Variants in TIAM1 observed in about 807,000 individuals in gnomAD.
TIAM1 encodes TIAM Rac1 associated GEF 1.
A neutral mutation model predicts 163.5 loss-of-function variants in TIAM1; 65 were observed. That is an observed-to-expected ratio of 0.40 (90% confidence interval 0.33 to 0.49). The LOEUF (loss-of-function observed/expected upper bound fraction) is 0.49. Among genes scored for constraint, TIAM1 ranks in the 20% least tolerant of loss-of-function variants. The pLI is 0.77. For synonymous variants in TIAM1, 833 were observed against 810.1 expected, an observed-to-expected ratio of 1.03 and a Z score of -0.48; for missense variants, 1,789 against 2,044.7, an observed-to-expected ratio of 0.87 and a Z score of 2.41.
At chr21:31,279,715 C>T (rs763843455) in intron 2 of TIAM1, among the ~76,000 whole-genome samples, 1 of 152,152 alleles carries the variant, frequency 6.6e-6, no homozygotes, top group Non-Finnish European at 1.5e-5. Context: ...ATCCCATTAT[C>T]GTTTCTCAAT....
chr21:31,222,821 G>T (rs113834907), intron 8 of TIAM1, among the ~76,000 whole-genome samples: 3 of 145,890 alleles, frequency 2.1e-5, no homozygotes, highest in Non-Finnish European at 4.5e-5. Context: ...AGGTTCAAGC[G>T]ATTCTCAGGC....
In TIAM1 at chr21:31,468,707, C is replaced by A. The variant is rs186860359; in HGVS notation, c.-421-4672G>T. Among the ~76,000 whole-genome samples, 141 of 151,688 alleles carry A rather than the reference C, an allele frequency of 9.3e-4. 1 individual carries two copies. Among genetic ancestry groups the A allele is most frequent in the Non-Finnish European group, 1.7e-3 (115 of 67,900 alleles). On this transcript the variant is annotated intron_variant, in intron 1 of 28. Coordinates refer to the TIAM1 transcript ENST00000286827. Reference sequence around the variant, plus strand: ...AGGAGAATGGCGTGAACCCGGGAGGCGGAACTTGCAGTGAGCCGAGATGGT... The same window carrying A: ...AGGAGAATGGCGTGAACCCGGGAGGAGGAACTTGCAGTGAGCCGAGATGGT...
At chr21:31,178,314 T>TC (rs2084861163) in intron 15 of TIAM1, among the ~76,000 whole-genome samples, 1 of 139,090 alleles carries the variant, frequency 7.2e-6, no homozygotes, top group African/African-American at 2.9e-5. Flanking sequence ...TTTTTTTTTT[T>TC]TTTTTTTTTT....
At chr21:31,267,603 C>T (rs1479163505) in intron 3 of TIAM1, among the ~76,000 whole-genome samples, 1 of 136,484 alleles carries the variant, frequency 7.3e-6, no homozygotes, top group Non-Finnish European at 1.5e-5. Flanking sequence ...TAAGTCTGAT[C>T]AACTTTTCCT....
chr21:31,199,922 A>C (rs992498225), intron 12 of TIAM1, among the ~76,000 whole-genome samples: 5 of 150,376 alleles, frequency 3.3e-5, no homozygotes, highest in African/African-American at 1.2e-4. Context: ...AAAAAAAAAA[A>C]AAACACACAA....
At chr21:31,283,793 T>C (rs57289683) in intron 2 of TIAM1, among the ~76,000 whole-genome samples, 14,120 of 152,042 alleles carry the variant, frequency 0.093, 1,648 homozygotes, top group African/African-American at 0.28. Context: ...CCACCCTCCT[T>C]GGCTTCCCAA....
chr21:31,293,844 T>C (rs915522780), intron 2 of TIAM1, among the ~76,000 whole-genome samples: 1 of 152,208 alleles, frequency 6.6e-6, no homozygotes, highest in Non-Finnish European at 1.5e-5. Flanking sequence ...GAAAACTGCA[T>C]TAAAATATAT....
chr21:31,548,132 C>CTTTTTT (rs553946414), intron 1 of TIAM1, among the ~76,000 whole-genome samples: 2 of 75,004 alleles, frequency 2.7e-5, no homozygotes, highest in African/African-American at 1.1e-4. Flanking sequence ...TTATTTGTGT[C>CTTTTTT]TTTTTTTTTT....
chr21:31,300,767 T>C (rs916068638), intron 2 of TIAM1, among the ~76,000 whole-genome samples: 29 of 152,234 alleles, frequency 1.9e-4, no homozygotes, highest in African/African-American at 6.8e-4. Flanking sequence ...GGAAAGAACA[T>C]TGCCAATGGC....
chr21:31,531,835 G>A (rs1360847766), intron 1 of TIAM1, among the ~76,000 whole-genome samples: 1 of 151,790 alleles, frequency 6.6e-6, no homozygotes, highest in Non-Finnish European at 1.5e-5. Context: ...ACCAACAGAA[G>A]GCCAGGCACG....
At chr21:31,235,960 C>A (rs1267010227) in intron 6 of TIAM1, among the ~76,000 whole-genome samples, 1 of 152,226 alleles carries the variant, frequency 6.6e-6, no homozygotes, top group Admixed American at 6.5e-5. Context: ...AAGTGGGGCC[C>A]CTGCCAGGGC....
intron 15 of TIAM1, among the ~76,000 whole-genome samples, chr21:31,165,272 A>G (rs1399958409): frequency 5.9e-5 from 9 of 152,350 alleles, no homozygotes; most frequent in Non-Finnish European, 1.3e-4. Flanking sequence ...TATATTTTTC[A>G]TAATAAATAA....
chr21:31,209,250 C>G (rs777033635), intron 11 of TIAM1, among the ~76,000 whole-genome samples: 15 of 152,158 alleles, frequency 9.9e-5, no homozygotes, highest in Non-Finnish European at 1.8e-4. Flanking sequence ...AGACCTGATA[C>G]GACTACGACA....
chr21:31,520,151 A>G (rs1468272730), intron 1 of TIAM1, among the ~76,000 whole-genome samples: 1 of 152,024 alleles, frequency 6.6e-6, no homozygotes, highest in Non-Finnish European at 1.5e-5. Flanking sequence ...ACCAACATGG[A>G]AAAACCCTAT....
intron 1 of TIAM1, among the ~76,000 whole-genome samples, chr21:31,467,487 G>A (rs145537805): frequency 2.1e-3 from 323 of 151,998 alleles, no homozygotes; most frequent in Non-Finnish European, 3.3e-3. Context: ...TTAGCTGGGC[G>A]TGGCGACACA....
chr21:31,367,482 T>C (rs1411713327), intron 2 of TIAM1, among the ~76,000 whole-genome samples: 2 of 152,206 alleles, frequency 1.3e-5, no homozygotes, highest in Non-Finnish European at 2.9e-5. Context: ...ATTCTTTTTT[T>C]CTTTGTGAAG....
At chr21:31,152,546 G>A (rs2083427793) in intron 19 of TIAM1, 90 bp downstream of exon 19, 1 of 1,542,606 alleles carries the variant, frequency 6.5e-7, no homozygotes, top group Admixed American at 1.9e-5. Context: ...ACCCCACTGT[G>A]GCCCTCCAAT....
intron 2 of TIAM1, among the ~76,000 whole-genome samples, chr21:31,381,764 C>T (rs183754175): frequency 1.6e-3 from 240 of 152,010 alleles, no homozygotes; most frequent in Middle Eastern, 3.4e-3. Flanking sequence ...GCTGGGAGGT[C>T]GAGGCTGCAG....
chr21:31,348,386 A>G (rs540909059), upstream of TIAM1, among the ~76,000 whole-genome samples: 23 of 152,220 alleles, frequency 1.5e-4, no homozygotes, highest in Non-Finnish European at 3.2e-4. Context: ...CAACAATGTT[A>G]TCAGCAGCAA....
Sources: allele counts gnomAD v4.1 joint callset (sites outside exome capture counted in the v4.1 genomes callset), GRCh38; gene constraint gnomAD v4.1.1; transcripts MANE v1.5; gene names NCBI Gene and HGNC (gene_info 2026-07-23, HGNC 2026-07-21).